Variants in PRRC2C observed in about 807,000 individuals in gnomAD.
PRRC2C encodes protein PRRC2C.
Under a neutral mutation model 317.2 loss-of-function variants are expected in PRRC2C, and 72 were observed. The ratio of observed to expected loss-of-function variants is 0.23; its 90% CI spans 0.19 to 0.28. The LOEUF (loss-of-function observed/expected upper bound fraction) is 0.28. Ranked by LOEUF, PRRC2C falls within the 10% of genes least tolerant of loss-of-function variation. The pLI, the probability that PRRC2C is intolerant of heterozygous loss-of-function variation, is 1.00. For missense variants in PRRC2C, 3,074 were observed against 3,459.7 expected (o/e 0.89, Z 2.80); for synonymous variants, 1,296 against 1,205.9 (o/e 1.07, Z -1.55).
chr1:171,578,087 C>T (rs760031736), intron 26 of PRRC2C, among the ~76,000 whole-genome samples: 2 of 151,496 alleles, frequency 1.3e-5, no homozygotes, highest in Non-Finnish European at 2.9e-5. Flanking sequence ...TGAGCCACCT[C>T]ACCCAGCCTA....
intron 1 of PRRC2C, among the ~76,000 whole-genome samples, chr1:171,495,266 G>A (rs889568952): frequency 2.0e-5 from 3 of 152,174 alleles, no homozygotes; most frequent in African/African-American, 7.2e-5. Context: ...ATGACAGTCT[G>A]GGTCTGTATT....
At chr1:171,554,258 A>G (rs959767542) in intron 18 of PRRC2C, among the ~76,000 whole-genome samples, 14 of 152,108 alleles carry the variant, frequency 9.2e-5, no homozygotes, top group African/African-American at 3.1e-4. Context: ...TTGTTGGTTT[A>G]AAGTCTGTTT....
chr1:171,513,278 T>TG, intron 3 of PRRC2C, 106 bp downstream of exon 3: 1 of 1,168,890 alleles, frequency 8.6e-7, no homozygotes, highest in Non-Finnish European at 1.2e-6. Context: ...GTATTACATA[T>TG]TACATATTTT....
At chr1:171,563,866 G>A (rs184637) in intron 20 of PRRC2C, among the ~76,000 whole-genome samples, 2 of 152,288 alleles carry the variant, frequency 1.3e-5, no homozygotes, top group East Asian at 1.9e-4. Context: ...CTGGTATGAA[G>A]GAAAGAGTGG....
chr1:171,562,156 G>GAT (rs1227846368), intron 20 of PRRC2C, among the ~76,000 whole-genome samples: 2 of 152,208 alleles, frequency 1.3e-5, no homozygotes, highest in Admixed American at 6.5e-5. Flanking sequence ...GGATATAAGA[G>GAT]AGTATGCTAT....
At chr1:171,498,852 GC>G (rs1460078013) in intron 1 of PRRC2C, among the ~76,000 whole-genome samples, 2 of 152,062 alleles carry the variant, frequency 1.3e-5, no homozygotes, top group African/African-American at 4.8e-5. Flanking sequence ...TTGCTTTGTT[GC>G]CCAGCAGTTG....
chr1:171,491,953 C>T (rs1025400936), intron 1 of PRRC2C, among the ~76,000 whole-genome samples: 1 of 152,078 alleles, frequency 6.6e-6, no homozygotes, highest in African/African-American at 2.4e-5. Context: ...AATTTTATAG[C>T]TCTTAATTGA....
At chr1:171,512,722 G>C (rs1671611849) in intron 2 of PRRC2C, 2 of 304,446 alleles carry the variant, frequency 6.6e-6, no homozygotes, top group Non-Finnish European at 1.2e-5. Flanking sequence ...TAGATTCTCT[G>C]AAAAAATATC....
At chr1:171,582,863 A>C (rs1450859232) in intron 28 of PRRC2C, among the ~76,000 whole-genome samples, 1 of 151,842 alleles carries the variant, frequency 6.6e-6, no homozygotes, top group Non-Finnish European at 1.5e-5. Context: ...TTGTTAAAAA[A>C]AAAAAAACAA....
chr1:171,506,018 T>G (rs184835017), intron 1 of PRRC2C, among the ~76,000 whole-genome samples: 39 of 152,290 alleles, frequency 2.6e-4, no homozygotes, highest in Admixed American at 2.3e-3. Flanking sequence ...AGCCTTGGTG[T>G]TCAGTAGGCT....
At chr1:171,546,497 C>T (rs1017246271) in intron 17 of PRRC2C, among the ~76,000 whole-genome samples, 1 of 152,196 alleles carries the variant, frequency 6.6e-6, no homozygotes, top group African/African-American at 2.4e-5. Context: ...GATTTGAGCA[C>T]AGCTCATGGA....
intron 33 of PRRC2C, 39 bp from the exon 34 acceptor site, chr1:171,589,330 T>TTTAA: frequency 2.9e-6 from 2 of 691,962 alleles, no homozygotes; most frequent in African/African-American, 2.2e-5. Context: ...TTTTTTTTTT[T>TTTAA]AACAGTTCAA....
intron 25 of PRRC2C, among the ~76,000 whole-genome samples, chr1:171,577,156 T>C (rs1685832593): frequency 6.6e-6 from 1 of 152,238 alleles, no homozygotes; most frequent in African/African-American, 2.4e-5. Flanking sequence ...CTATAACAGT[T>C]ACATAGGCTC....
chr1:171,519,793 C>G (rs1483448629), intron 6 of PRRC2C, among the ~76,000 whole-genome samples: 1 of 152,142 alleles, frequency 6.6e-6, no homozygotes, highest in Non-Finnish European at 1.5e-5. Context: ...ACTTTCCATT[C>G]CTTCATATTG....
At chr1:171,582,106 T>C (rs972707068) in intron 28 of PRRC2C, among the ~76,000 whole-genome samples, 1 of 152,202 alleles carries the variant, frequency 6.6e-6, no homozygotes, top group Admixed American at 6.5e-5. Context: ...ATCTTGAGGC[T>C]AGGCCATTTA....
In PRRC2C at chr1:171,527,848, A is replaced by C. The variant is rs554454077; in HGVS notation, c.1254+4A>C. The stretch of plus-strand genomic sequence containing the variant: ...TCCAAAGTTGCTTGCACAGCAGGTA[A>C]ATTTTAAGTGCTTGTTTATGGATTA... On this transcript the variant is annotated splice_donor_region_variant and intron_variant, in intron 11 of 34. Transcript: ENST00000647382. The C allele has an allele frequency of 1.9e-6, 3 of 1,573,552 alleles. No individual in the cohort carries two copies. The East Asian group carries it at 7.0e-5, about 37-fold the overall frequency.
rs762109550 is a variant in PRRC2C at position 171,498,555 on chromosome 1, A to G, written c.-58+12820A>G. ...TGGAAGAAACATAGGCATTCAAACC[A>G]TTTTCTTTCACTGTCTGGATTAGAC... is the stretch of plus-strand genomic sequence containing the variant. On this transcript the variant is annotated intron_variant, in intron 1 of 34. Transcript: ENST00000647382. Among the ~76,000 whole-genome samples, 3 of 152,120 alleles carry G rather than the reference A, an allele frequency of 2.0e-5. No individual in the cohort carries two copies. The East Asian group carries it at 5.8e-4, about 29-fold the overall frequency.
chr1:171,505,711 A>G (rs537141565), intron 1 of PRRC2C, among the ~76,000 whole-genome samples: 31 of 151,944 alleles, frequency 2.0e-4, no homozygotes, highest in Non-Finnish European at 3.5e-4. Context: ...TTCTATTCCT[A>G]TTTATTGAGG....
intron 15 of PRRC2C, among the ~76,000 whole-genome samples, chr1:171,539,547 T>C (rs1677555217): frequency 6.6e-6 from 1 of 152,224 alleles, no homozygotes; most frequent in Admixed American, 6.5e-5. Flanking sequence ...ATATTTCCTA[T>C]TTCCCCCTAC....
Sources: gnomAD v4.1 joint callset for allele counts (sites outside exome capture counted in the v4.1 genomes callset) on GRCh38, gnomAD v4.1.1 for gene constraint, MANE v1.5 for transcripts, NCBI Gene and HGNC (gene_info 2026-07-23, HGNC 2026-07-21) for gene names.